Variants in LRTM1 observed in about 807,000 individuals in gnomAD.
The protein encoded by LRTM1 is leucine rich repeat transmembrane protein 1.
In LRTM1, 38 loss-of-function variants were observed where a neutral mutation model predicts 32.4. That is an observed-to-expected ratio of 1.17 (90% CI 0.91 to 1.54). LRTM1 has a LOEUF of 1.54. Ranked by LOEUF, LRTM1 falls within the 40% of genes most tolerant of loss-of-function variation. The pLI is 0.00. For missense variants in LRTM1, 466 were observed against 415.4 expected, an observed-to-expected ratio of 1.12 and a Z score of -1.06; for synonymous variants, 186 against 169.9, an observed-to-expected ratio of 1.09 and a Z score of -0.74.
chr3:54,960,447 A>G (rs1469481103), intron 1 of LRTM1, among the ~76,000 whole-genome samples: 4 of 152,234 alleles, frequency 2.6e-5, no homozygotes. Flanking sequence ...CTTCACTTGC[A>G]CTAGGCTAAA....
chr3:54,920,930 A>C (rs1392952939), intron 2 of LRTM1, among the ~76,000 whole-genome samples: 1 of 152,142 alleles, frequency 6.6e-6, no homozygotes, highest in Non-Finnish European at 1.5e-5. Flanking sequence ...GAGCCAAGGA[A>C]ATACCCAGAC....
chr3:54,920,990 C>G (rs938800779), intron 2 of LRTM1, among the ~76,000 whole-genome samples: 2 of 152,190 alleles, frequency 1.3e-5, no homozygotes, highest in African/African-American at 4.8e-5. Context: ...GCCAAATGCT[C>G]TGTGGTCTCC....
chr3:54,932,644 A>G (rs1701218327), upstream of LRTM1, among the ~76,000 whole-genome samples: 1 of 152,192 alleles, frequency 6.6e-6, no homozygotes, highest in Admixed American at 6.5e-5. Flanking sequence ...CCCACAGGTA[A>G]CATCTGTCTT....
At chr3:54,946,817 TA>T (rs11295270) in intron 1 of LRTM1, among the ~76,000 whole-genome samples, 40,292 of 145,064 alleles carry the variant, frequency 0.28, 5,616 homozygotes, top group African/African-American at 0.37. Context: ...TGTGGTTTAT[TA>T]AAAAAAAAAA....
chr3:54,965,366 C>G (rs1702125015), intron 1 of LRTM1, among the ~76,000 whole-genome samples: 1 of 152,136 alleles, frequency 6.6e-6, no homozygotes, highest in African/African-American at 2.4e-5. Context: ...TAAAAAGGTT[C>G]TCTCCCTTCC....
chr3:54,928,843 G>T (rs1017799096), upstream of LRTM1, among the ~76,000 whole-genome samples: 4 of 151,920 alleles, frequency 2.6e-5, no homozygotes, highest in South Asian at 8.3e-4. Context: ...CAATAAAGCC[G>T]CCCCCTGTGA....
chr3:54,918,950 A>C, intron 2 of LRTM1, 58 bp from the exon 3 acceptor site: 1 of 1,378,758 alleles, frequency 7.3e-7, no homozygotes, highest in Non-Finnish European at 9.6e-7. Flanking sequence ...GAGTTCCAAA[A>C]TCCTCTGCCT....
intron 1 of LRTM1, among the ~76,000 whole-genome samples, chr3:54,934,015 C>G (rs1468501644): frequency 6.6e-6 from 1 of 152,180 alleles, no homozygotes; most frequent in Non-Finnish European, 1.5e-5. Context: ...GGGTGGTCCA[C>G]CTGCCTCGGC....
intron 1 of LRTM1, among the ~76,000 whole-genome samples, chr3:54,934,179 C>T (rs944637958): frequency 1.3e-5 from 2 of 152,148 alleles, no homozygotes; most frequent in African/African-American, 4.8e-5. Flanking sequence ...ATTGTGAGTA[C>T]CAACGTTTAG....
At chr3:54,918,959 C>T in intron 2 of LRTM1, 67 bp from the exon 3 acceptor site, 2 of 1,334,960 alleles carry the variant, frequency 1.5e-6, no homozygotes, top group Non-Finnish European at 9.9e-7. Context: ...AATCCTCTGC[C>T]TGCAAAAACT....
At chr3:54,954,823 G>A (rs1297806704) in intron 1 of LRTM1, among the ~76,000 whole-genome samples, 2 of 152,210 alleles carry the variant, frequency 1.3e-5, no homozygotes, top group Admixed American at 6.5e-5. Flanking sequence ...AAGAGCCAGG[G>A]GGTGCCAGGA....
chr3:54,943,203 T>TA (rs34708598), intron 1 of LRTM1, among the ~76,000 whole-genome samples: 18,799 of 142,010 alleles, frequency 0.13, 1,270 homozygotes, highest in Middle Eastern at 0.18. Context: ...CTATCTCTGG[T>TA]AAAAAAAAAA....
chr3:54,947,270 C>T (rs1241964761), intron 1 of LRTM1, among the ~76,000 whole-genome samples: 2 of 152,162 alleles, frequency 1.3e-5, no homozygotes, highest in Non-Finnish European at 2.9e-5. Flanking sequence ...TCTATGCTGC[C>T]TCTTAACTTT....
In LRTM1 at chr3:54,918,236, G is replaced by A. The variant is rs1008018323; in HGVS notation, c.*223C>T. On this transcript the variant is annotated 3_prime_UTR_variant, in exon 3 of 3. Transcript: ENST00000273286. Reference sequence around the variant, plus strand: ...GTCGTAATAACTTCCCAGGCCCAGAGCACAAGTATCATCTTTATTTTACCT... The same window carrying A: ...GTCGTAATAACTTCCCAGGCCCAGAACACAAGTATCATCTTTATTTTACCT... 2.0e-6 allele frequency: 1 copy of A among 506,508 alleles called. No individual in the cohort carries two copies. The highest frequency in any genetic ancestry group is 2.0e-5 in the African/African-American group (1 of 50,796). 31.4% of individuals were successfully genotyped at this position (506,508 alleles called of 1,614,324 possible).
chr3:54,946,467 G>A (rs1406490523), intron 1 of LRTM1, among the ~76,000 whole-genome samples: 1 of 152,200 alleles, frequency 6.6e-6, no homozygotes, highest in African/African-American at 2.4e-5. Flanking sequence ...AGAATATAGA[G>A]AGGGGAAGAA....
intron 1 of LRTM1, among the ~76,000 whole-genome samples, chr3:54,964,809 G>T (rs1178995190): frequency 2.0e-5 from 3 of 150,996 alleles, no homozygotes; most frequent in African/African-American, 7.4e-5. Context: ...GGGGGAGAGG[G>T]TTATTCTTAT....
chr3:54,938,472 G>C (rs746094935), intron 1 of LRTM1, among the ~76,000 whole-genome samples: 1 of 152,052 alleles, frequency 6.6e-6, no homozygotes, highest in African/African-American at 2.4e-5. Flanking sequence ...AATCCTAGTT[G>C]GTGTTCCTGT....
intron 1 of LRTM1, among the ~76,000 whole-genome samples, chr3:54,941,751 T>G (rs954943999): frequency 1.3e-5 from 2 of 152,204 alleles, no homozygotes; most frequent in African/African-American, 4.8e-5. Context: ...CGCATGGATG[T>G]CTTTGACCTC....
chr3:54,933,441 C>G (rs1701255455), intron 1 of LRTM1, among the ~76,000 whole-genome samples: 2 of 152,158 alleles, frequency 1.3e-5, no homozygotes, highest in Admixed American at 1.3e-4. Context: ...GCTCTCAGAG[C>G]CCTCTCCATC....
Sources: gnomAD v4.1 joint callset for allele counts (sites outside exome capture counted in the v4.1 genomes callset) on GRCh38, gnomAD v4.1.1 for gene constraint, MANE v1.5 for transcripts, NCBI Gene and HGNC (gene_info 2026-07-23, HGNC 2026-07-21) for gene names.